The following TEX10 variants were observed in gnomAD, a reference collection of about 807,000 sequenced individuals.
TEX10 encodes testis expressed 10, also known as testis-expressed protein 10.
TEX10 carries 24 observed loss-of-function variants against 104.4 expected under a neutral mutation model. The observed-to-expected ratio is 0.23, with a 90% CI of 0.17 to 0.32. The LOEUF (loss-of-function observed/expected upper bound fraction) is 0.32, where lower values mean the gene tolerates loss of function less well. Among genes scored for constraint, TEX10 ranks in the 10% least tolerant of loss-of-function variants. The pLI, the probability that TEX10 is intolerant of heterozygous loss-of-function variation, is 1.00. For synonymous variants in TEX10, 396 were observed against 393.4 expected (o/e 1.01, Z -0.08); for missense variants, 921 against 1,083.9 (o/e 0.85, Z 2.11).
intron 4 of TEX10, among the ~76,000 whole-genome samples, chr9:100,342,408 C>T (rs1835195152): frequency 6.6e-6 from 1 of 152,106 alleles, no homozygotes; most frequent in South Asian, 2.1e-4. Flanking sequence ...TCTCTGTAGC[C>T]CCAGAGTCTA....
At position 100,330,072 on chromosome 9, in the gene TEX10, A is replaced by G. The variant is rs1371369965; in HGVS notation, c.1348T>C (p.Leu450=). ...TCTATCCAACTGCAATCCTTCTGCA[A>G]AGTTGACGCATTTGCCAGGGAGACC... ...IMVSLANAST[L]QKDCSWIEMI... The change falls in exon 6 of 15, where the codon TTG becomes CTG. Residue 450 remains leucine (L), a synonymous_variant. Coordinates refer to ENST00000374902, the MANE Select transcript of TEX10 (RefSeq NM_017746.4). 1 of 1,614,008 alleles carries G rather than the reference A, an allele frequency of 6.2e-7. No individual in the cohort carries two copies. Among genetic ancestry groups the G allele is most frequent in the African/African-American group, 1.3e-5 (1 of 74,938 alleles).
intron 11 of TEX10, among the ~76,000 whole-genome samples, chr9:100,315,445 T>C (rs1834392783): frequency 6.6e-6 from 1 of 152,182 alleles, no homozygotes; most frequent in Non-Finnish European, 1.5e-5. Flanking sequence ...TGGGTGCATA[T>C]ATACTTAGTG....
At chr9:100,320,428 A>T (rs1554735903) in intron 10 of TEX10, 30 bp from the exon 11 acceptor site, 13 of 1,556,048 alleles carry the variant, frequency 8.4e-6, no homozygotes, top group South Asian at 1.2e-5. Flanking sequence ...AAGCCAATTT[A>T]AAAAAACAAA....
At chr9:100,304,129 C>T (rs1834086448) in intron 13 of TEX10, 1 of 459,456 alleles carries the variant, frequency 2.2e-6, no homozygotes, top group East Asian at 4.2e-5. Flanking sequence ...ACATTCCATG[C>T]TCATGAATTG....
At chr9:100,348,288 TG>T (rs1835351907) in intron 2 of TEX10, among the ~76,000 whole-genome samples, 1 of 152,250 alleles carries the variant, frequency 6.6e-6, no homozygotes. Flanking sequence ...TGATTCCTAA[TG>T]GGTATAAGTT....
At chr9:100,347,465 A>G in intron 2 of TEX10, 59 bp from the exon 3 acceptor site, 1 of 1,355,622 alleles carries the variant, frequency 7.4e-7, no homozygotes, top group Admixed American at 2.3e-5. Context: ...AATTTCACGT[A>G]AACATGCTAA....
chr9:100,329,775 T>C (rs2118887883), intron 6 of TEX10, 156 bp downstream of exon 6: 3 of 683,786 alleles, frequency 4.4e-6, no homozygotes, highest in Non-Finnish European at 7.5e-6. Context: ...CCATAAACAA[T>C]TTCAGTGTTC....
chr9:100,317,527 T>C (rs1015253563), intron 11 of TEX10, among the ~76,000 whole-genome samples: 2 of 152,054 alleles, frequency 1.3e-5, no homozygotes, highest in African/African-American at 2.4e-5. Context: ...CATGAAACTA[T>C]AAAAATAATA....
chr9:100,344,142 G>A (rs181370849), intron 4 of TEX10, among the ~76,000 whole-genome samples: 8 of 152,276 alleles, frequency 5.3e-5, no homozygotes, highest in African/African-American at 1.7e-4. Flanking sequence ...CATTCTACCA[G>A]TGGATGTTTT....
At chr9:100,308,374 C>G in intron 13 of TEX10, 126 bp downstream of exon 13, 2 of 751,976 alleles carry the variant, frequency 2.7e-6, no homozygotes, top group Non-Finnish European at 3.8e-6. Flanking sequence ...TAGGCTGACA[C>G]AAACTCTCTG....
At chr9:100,313,669 T>G (rs1469571690) in intron 11 of TEX10, among the ~76,000 whole-genome samples, 1 of 151,798 alleles carries the variant, frequency 6.6e-6, no homozygotes, top group South Asian at 2.1e-4. Context: ...GCCTACATGG[T>G]GAAACCCCGT....
chr9:100,312,384 T>C (rs1272316849), intron 11 of TEX10, among the ~76,000 whole-genome samples: 1 of 152,112 alleles, frequency 6.6e-6, no homozygotes, highest in African/African-American at 2.4e-5. Flanking sequence ...GGAAGACTAA[T>C]TATAGACAGA....
At chr9:100,318,521 T>C (rs1453610803) in intron 11 of TEX10, among the ~76,000 whole-genome samples, 2 of 152,172 alleles carry the variant, frequency 1.3e-5, no homozygotes, top group Admixed American at 6.5e-5. Context: ...ACAGTGTACA[T>C]TGTTGGGTGA....
In TEX10 at chr9:100,329,155, C is replaced by T. The variant is rs1432166377; in HGVS notation, c.1610G>A (p.Arg537Lys). The change falls in exon 7 of 15, where the codon AGA becomes AAA. Residue 537 changes from arginine (R) to lysine (K), a missense_variant. This residue lies in a region of TEX10 where 753 missense variants were observed against 868.4 expected (regional missense o/e 0.87). Coordinates refer to ENST00000374902, the MANE Select transcript of TEX10 (RefSeq NM_017746.4). ...AAGATTTTACCTGAATCTACAAGAT[C>T]TCAGTTCTTCTGTCTGATAGATTTT... ...FSKIYQTEEL[R>K]SCRFRYRSKV... The T allele has an allele frequency of 3.1e-6, 5 of 1,601,462 alleles. No homozygotes were observed. The highest frequency in any genetic ancestry group is 1.8e-5 in the Admixed American group (1 of 56,422).
chr9:100,303,438 A>ACCC (rs35109045), intron 14 of TEX10, among the ~76,000 whole-genome samples, 194 bp downstream of exon 14: 1 of 133,908 alleles, frequency 7.5e-6, no homozygotes, highest in Non-Finnish European at 1.7e-5. Flanking sequence ...TCACAGACAC[A>ACCC]CCCCCCCCCC....
At chr9:100,302,330 G>C in intron 14 of TEX10, 26 bp from the exon 15 acceptor site, 1 of 1,529,890 alleles carries the variant, frequency 6.5e-7, no homozygotes, top group Non-Finnish European at 9.0e-7. Flanking sequence ...AGAGTAATCT[G>C]AGAACTGCAC....
chr9:100,323,743 C>T (rs1283020574), intron 9 of TEX10, among the ~76,000 whole-genome samples: 4 of 152,150 alleles, frequency 2.6e-5, no homozygotes. Flanking sequence ...TAGACAAATG[C>T]TTTAATAGAG....
At chr9:100,321,167 T>C (rs1834562586) in intron 10 of TEX10, among the ~76,000 whole-genome samples, 1 of 152,188 alleles carries the variant, frequency 6.6e-6, no homozygotes, top group African/African-American at 2.4e-5. Flanking sequence ...ATGTATACAT[T>C]CATAAATATA....
chr9:100,329,026 G>A, intron 7 of TEX10, 114 bp downstream of exon 7: 1 of 1,145,702 alleles, frequency 8.7e-7, no homozygotes. Flanking sequence ...AAACAAGTAG[G>A]ATTAAAAAGA....
Sources: gnomAD v4.1 joint callset for allele counts (sites outside exome capture counted in the v4.1 genomes callset) on GRCh38, gnomAD v4.1.1 for gene constraint, gnomAD v4.1.1 regional missense constraint, MANE v1.5 for transcripts, NCBI Gene and HGNC (gene_info 2026-07-23, HGNC 2026-07-21) for gene names.